Variants in CHRM5 observed in about 807,000 individuals in gnomAD.
The protein encoded by CHRM5 is cholinergic receptor muscarinic 5, also known as muscarinic acetylcholine receptor M5.
Under a neutral mutation model 39.0 loss-of-function variants are expected in CHRM5, and 18 were observed. That is an observed-to-expected ratio of 0.46 (90% confidence interval 0.32 to 0.68). The LOEUF is 0.68. Ranked by LOEUF, CHRM5 falls within the 30% of genes least tolerant of loss-of-function variation. CHRM5 has a pLI of 0.04. For synonymous variants in CHRM5, 241 were observed against 246.3 expected, an observed-to-expected ratio of 0.98 and a Z score of 0.20; for missense variants, 515 against 651.1, an observed-to-expected ratio of 0.79 and a Z score of 2.28.
chr15:34,004,972 A>T (rs902031045), intron 1 of CHRM5, among the ~76,000 whole-genome samples: 3 of 146,388 alleles, frequency 2.0e-5, no homozygotes, highest in African/African-American at 7.4e-5. Context: ...GTGTGGACTT[A>T]AAAAAAATAA....
chr15:34,031,225 A>G (rs1472968934), intron 1 of CHRM5, among the ~76,000 whole-genome samples: 1 of 117,288 alleles, frequency 8.5e-6, no homozygotes, highest in African/African-American at 3.4e-5. Flanking sequence ...CCCAGGCTGG[A>G]ATGCAATGGC....
chr15:33,976,864 T>G (rs1171273607), intron 1 of CHRM5, among the ~76,000 whole-genome samples: 1 of 152,184 alleles, frequency 6.6e-6, no homozygotes, highest in Non-Finnish European at 1.5e-5. Flanking sequence ...ACTTTATTTT[T>G]CTATGCCTTT....
chr15:33,983,376 C>G (rs2140534918), intron 1 of CHRM5, among the ~76,000 whole-genome samples: 1 of 151,560 alleles, frequency 6.6e-6, no homozygotes, highest in South Asian at 2.1e-4. Flanking sequence ...CCTCATTAAC[C>G]CCATTCAGTT....
At chr15:34,058,331 A>C (rs1900227239) in intron 2 of CHRM5, among the ~76,000 whole-genome samples, 1 of 152,110 alleles carries the variant, frequency 6.6e-6, no homozygotes, top group African/African-American at 2.4e-5. Flanking sequence ...ATAAATAAAA[A>C]ATTACAGGAG....
intron 1 of CHRM5, chr15:34,038,945 C>A: frequency 3.6e-6 from 4 of 1,101,280 alleles, no homozygotes; most frequent in Non-Finnish European, 4.4e-6. Flanking sequence ...CTCTGGCTAC[C>A]GCCGCTGCGG....
Position 34,064,649 on chromosome 15 carries a change from G to C in CHRM5, c.*333G>C, listed in dbSNP as rs1449819508. ...TCAGGGAACTTATGCCCCTTCTGTAGGAAACAGCAGAGACCAGGTGGAAAC... is the reference window on the plus strand; with the variant it reads ...TCAGGGAACTTATGCCCCTTCTGTACGAAACAGCAGAGACCAGGTGGAAAC... On this transcript the variant is annotated 3_prime_UTR_variant, in exon 3 of 3. Coordinates refer to ENST00000383263, the MANE Select transcript of CHRM5 (RefSeq NM_012125.4). 1.0e-5 allele frequency: 3 copies of C among 286,904 alleles called. No individual in the cohort carries two copies. The allele number at this position is 286,904 out of a possible 1,614,324, so 17.8% of individuals were successfully genotyped here.
chr15:34,024,331 A>T (rs1898341676), intron 1 of CHRM5, among the ~76,000 whole-genome samples: 2 of 152,102 alleles, frequency 1.3e-5, no homozygotes, highest in South Asian at 4.2e-4. Flanking sequence ...TGAGATGAAG[A>T]GTGATGGGCG....
At chr15:34,036,830 G>A (rs565738209) in intron 1 of CHRM5, among the ~76,000 whole-genome samples, 51 of 150,980 alleles carry the variant, frequency 3.4e-4, no homozygotes, top group African/African-American at 7.2e-4. Context: ...ATGACCAGGC[G>A]CAGTGGGTCA....
chr15:34,053,408 G>A (rs576210302), intron 2 of CHRM5, among the ~76,000 whole-genome samples: 181 of 148,820 alleles, frequency 1.2e-3, no homozygotes, highest in African/African-American at 3.0e-3. Context: ...TGGAGGTGTC[G>A]TGCTACCTAC....
intron 1 of CHRM5, among the ~76,000 whole-genome samples, chr15:34,008,830 A>T (rs1337693303): frequency 2.0e-5 from 3 of 152,166 alleles, no homozygotes; most frequent in African/African-American, 7.2e-5. Context: ...ATGAACTTCT[A>T]GTGTATATGC....
chr15:33,974,223 T>A (rs924843278), intron 1 of CHRM5, among the ~76,000 whole-genome samples: 1 of 152,216 alleles, frequency 6.6e-6, no homozygotes, highest in Non-Finnish European at 1.5e-5. Context: ...TTTGAATAAG[T>A]ACTTTGCAAA....
intron 1 of CHRM5, among the ~76,000 whole-genome samples, chr15:33,973,353 CA>C (rs2140501511): frequency 6.6e-6 from 1 of 152,296 alleles, no homozygotes; most frequent in South Asian, 2.1e-4. Context: ...GTAAATCTAT[CA>C]GGCTCAGTAT....
chr15:34,056,627 G>C (rs1394187501), intron 2 of CHRM5, among the ~76,000 whole-genome samples: 2 of 152,210 alleles, frequency 1.3e-5, no homozygotes, highest in African/African-American at 4.8e-5. Context: ...TCTATGAGCA[G>C]ACTCTGAGGA....
chr15:34,022,657 T>C (rs1047144386), intron 1 of CHRM5, among the ~76,000 whole-genome samples: 1 of 152,188 alleles, frequency 6.6e-6, no homozygotes, highest in African/African-American at 2.4e-5. Flanking sequence ...ATGGTTGCCT[T>C]ACACCTTTTG....
At chr15:33,983,168 G>T (rs797000227) in intron 1 of CHRM5, among the ~76,000 whole-genome samples, 1 of 101,748 alleles carries the variant, frequency 9.8e-6, no homozygotes, top group African/African-American at 5.2e-5. Context: ...GTATGTGTGT[G>T]TGTATATATA....
intron 1 of CHRM5, among the ~76,000 whole-genome samples, chr15:34,009,465 T>C (rs1270275252): frequency 6.6e-6 from 1 of 152,190 alleles, no homozygotes; most frequent in Non-Finnish European, 1.5e-5. Context: ...GCCTATAACA[T>C]AGATTTTTTT....
intron 2 of CHRM5, among the ~76,000 whole-genome samples, chr15:34,052,153 T>G (rs1270481293): frequency 6.6e-6 from 1 of 152,094 alleles, no homozygotes; most frequent in Admixed American, 6.5e-5. Flanking sequence ...TCCACCACAA[T>G]CAAGTTGGCT....
Position 33,990,272 on chromosome 15 carries a change from C to T in CHRM5, c.-408+21122C>T, listed in dbSNP as rs149201137. On this transcript the variant is annotated intron_variant, in intron 1 of 2. Transcript: ENST00000383263. ...AGGTGCGTGCCTATAGTCCCAGCTACTCAGGAGGCTAAGGCAGGAGAATCG... is the reference window on the plus strand; with the variant it reads ...AGGTGCGTGCCTATAGTCCCAGCTATTCAGGAGGCTAAGGCAGGAGAATCG... Among the ~76,000 whole-genome samples the T allele has an allele frequency of 1.2e-4, 18 of 152,090 alleles. No individual in the cohort carries two copies. The East Asian group carries it at 3.5e-3, about 29-fold the overall frequency.
intron 1 of CHRM5, among the ~76,000 whole-genome samples, chr15:34,041,918 C>T (rs1012434328): frequency 2.7e-4 from 41 of 152,074 alleles, no homozygotes; most frequent in African/African-American, 9.4e-4. Flanking sequence ...CTCAGAAGTC[C>T]GGGGGTATGT....
Sources: allele counts gnomAD v4.1 joint callset (sites outside exome capture counted in the v4.1 genomes callset), GRCh38; gene constraint gnomAD v4.1.1; transcripts MANE v1.5; gene names NCBI Gene and HGNC (gene_info 2026-07-23, HGNC 2026-07-21).